Variants in SPTBN5 observed in about 807,000 individuals in gnomAD.
SPTBN5 encodes spectrin beta, non-erythrocytic 5, also known as spectrin beta chain, non-erythrocytic 5.
SPTBN5 carries 513 observed loss-of-function variants against 477.6 expected under a neutral mutation model. That is an observed-to-expected ratio of 1.07 (90% CI 1.00 to 1.16). The LOEUF (loss-of-function observed/expected upper bound fraction) is 1.16. Ranked by LOEUF, SPTBN5 falls within the 50% of genes most tolerant of loss-of-function variation. The pLI is 0.00. For missense variants in SPTBN5, 5,062 were observed against 4,731.8 expected (o/e 1.07, Z -2.05); for synonymous variants, 2,169 against 2,011.7 (o/e 1.08, Z -2.09).
rs780852424 is a variant in SPTBN5, at chr15:41,856,475, C to A, written c.8932G>T (p.Glu2978Ter). ...HEVAARVQQL[E>*]KAMAHLRAEA... ...GCCCGCAGGTGGGCCATGGCCTTCTCCAGCTGCTGCACCCGGGCGGCCACC... is the reference window on the plus strand; with the variant it reads ...GCCCGCAGGTGGGCCATGGCCTTCTACAGCTGCTGCACCCGGGCGGCCACC... The change falls in exon 53 of 68, where the codon GAG (glutamate) becomes TAG (stop). Residue 2978 changes from glutamate to a stop codon, truncating the protein, a stop_gained. Transcript: ENST00000320955. LOFTEE classifies it high-confidence loss of function. The A allele has an allele frequency of 1.3e-6, 2 of 1,597,154 alleles. No individual in the cohort carries two copies. Among genetic ancestry groups the A allele is most frequent in the African/African-American group, 1.3e-5 (1 of 74,618 alleles).
chr15:41,860,581 A>G lies in SPTBN5; in HGVS notation c.7988+5T>C. The G allele has an allele frequency of 7.0e-7, 1 of 1,420,404 alleles. No homozygotes were observed. Among genetic ancestry groups the G allele is most frequent in the African/African-American group, 1.5e-5 (1 of 68,186 alleles). 88.0% of individuals were successfully genotyped at this position (1,420,404 alleles called of 1,614,324 possible). On this transcript the variant is annotated splice_donor_5th_base_variant and intron_variant, in intron 47 of 67. Transcript: ENST00000320955. ...CAGCACCCCTCACCCCAGAGCCACCACTACCTCAGAAGCATGGCCTGGCAC... is the reference window on the plus strand; with the variant it reads ...CAGCACCCCTCACCCCAGAGCCACCGCTACCTCAGAAGCATGGCCTGGCAC...
chr15:41,881,860 C>A, intron 12 of SPTBN5, 76 bp downstream of exon 12: 1 of 1,371,154 alleles, frequency 7.3e-7, no homozygotes, highest in South Asian at 1.4e-5. Flanking sequence ...AAAGGCCCTC[C>A]CATTTTTGTC....
chr15:41,848,913 C>T (rs1030212014), intron 67 of SPTBN5, among the ~76,000 whole-genome samples: 1 of 152,180 alleles, frequency 6.6e-6, no homozygotes, highest in East Asian at 1.9e-4. Flanking sequence ...GTCCTGGTAG[C>T]CTCAGGAGCC....
In SPTBN5 at chr15:41,872,417, C is replaced by A. The variant is rs751154412; in HGVS notation, c.5050G>T (p.Glu1684Ter). The A allele has an allele frequency of 1.9e-6, 3 of 1,589,174 alleles. No individual in the cohort carries two copies. Among genetic ancestry groups the A allele is most frequent in the Non-Finnish European group, 2.6e-6 (3 of 1,168,538 alleles). ...ELAIYWSSMEELDQTAQTLTG... is the reference protein window; with the variant it reads ...ELAIYWSSME The stretch of plus-strand genomic sequence containing the variant: ...AGGGTTTGGGCCGTCTGGTCAAGCT[C>A]CTCCATGGAGCTCCAGTAAATGGCT... Residue 1684 changes from glutamate to a stop codon, truncating the protein, a stop_gained, in exon 27 of 68, where the codon GAG becomes TAG. Transcript: ENST00000320955. LOFTEE classifies it high-confidence loss of function.
In SPTBN5 at chr15:41,853,507, C is replaced by T; in HGVS notation, c.9981-60G>A. 7.8e-6 allele frequency: 12 copies of T among 1,534,930 alleles called. No individual in the cohort carries two copies. The South Asian group carries it at 1.4e-4, about 17-fold the overall frequency. Reference sequence around the variant, plus strand: ...GGCTGGGGAGCAGGGGAGGGAGGGTCCAGCTCCCCCAAGAGCCAGGATACC... The same window carrying T: ...GGCTGGGGAGCAGGGGAGGGAGGGTTCAGCTCCCCCAAGAGCCAGGATACC... On this transcript the variant is annotated intron_variant, in intron 58 of 67. Transcript: ENST00000320955.
At position 41,853,494 on chromosome 15, in the gene SPTBN5, G is replaced by A. The variant is rs74874936; in HGVS notation, c.9981-47C>T. 8,297 of 1,539,634 alleles carry A rather than the reference G, an allele frequency of 5.4e-3. 396 individuals carry two copies. The African/African-American group carries it at 0.1, about 19-fold the overall frequency. Reference sequence around the variant, plus strand: ...TGTTGTCAGGGCTGGCTGGGGAGCAGGGGAGGGAGGGTCCAGCTCCCCCAA... The same window carrying A: ...TGTTGTCAGGGCTGGCTGGGGAGCAAGGGAGGGAGGGTCCAGCTCCCCCAA... On this transcript the variant is annotated intron_variant, in intron 58 of 67. Transcript: ENST00000320955.
chr15:41,854,823 C>T lies in SPTBN5; in HGVS notation c.9577G>A (p.Ala3193Thr). ...IQAQRSRIEA[A>T]WERLDQAIKA... Reference sequence around the variant, plus strand: ...ATTGCTTGGTCCAACCTCTCCCAAGCAGCCTCAATGCGGCTCCTCTGGGCT... The same window carrying T: ...ATTGCTTGGTCCAACCTCTCCCAAGTAGCCTCAATGCGGCTCCTCTGGGCT... Residue 3193 changes from alanine to threonine, a missense_variant, in exon 56 of 68, where the codon GCT (alanine) becomes ACT (threonine). Physicochemically the swap from Ala to Thr is moderately conservative, Grantham distance 58 (BLOSUM62 0). Coordinates refer to ENST00000320955, the MANE Select transcript of SPTBN5 (RefSeq NM_016642.4). 1.3e-6 allele frequency: 2 copies of T among 1,585,156 alleles called. No individual in the cohort carries two copies. Among genetic ancestry groups the T allele is most frequent in the Non-Finnish European group, 8.6e-7 (1 of 1,167,158 alleles).
chr15:41,867,618 C>A lies in SPTBN5; in HGVS notation c.6232G>T (p.Gly2078Trp), dbSNP rs377506541. 2 of 1,613,786 alleles carry A rather than the reference C, an allele frequency of 1.2e-6. No homozygotes were observed. Among genetic ancestry groups the A allele is most frequent in the Non-Finnish European group, 1.7e-6 (2 of 1,179,896 alleles). The stretch of plus-strand genomic sequence containing the variant: ...TGCTCTACCTCTTCCACCGAGCTCC[C>A]CAAGGCACTGGTTTTCAGGGAGACC... ...QEVSLKTSAL[G>W]SSVEEVEQLI... Residue 2078 changes from glycine (G) to tryptophan (W), a missense_variant, in exon 35 of 68, where the codon GGG becomes TGG. Coordinates refer to ENST00000320955, the MANE Select transcript of SPTBN5 (RefSeq NM_016642.4).
intron 39 of SPTBN5, 133 bp from the exon 40 acceptor site, chr15:41,864,157 G>A: frequency 1.4e-6 from 1 of 718,334 alleles, no homozygotes; most frequent in Non-Finnish European, 2.3e-6. Flanking sequence ...GGGAAGAACT[G>A]CCTCCTGCCT....
chr15:41,872,356 A>T lies in SPTBN5; in HGVS notation c.5111T>A (p.Val1704Glu). The T allele has an allele frequency of 6.2e-7, 1 of 1,611,436 alleles. No homozygotes were observed. The highest frequency in any genetic ancestry group is 8.5e-7 in the Non-Finnish European group (1 of 1,179,614). Residue 1704 changes from valine (V) to glutamate (E), a missense_variant, in exon 27 of 68, where the codon GTG (valine) becomes GAG (glutamate). By Grantham distance (121) the Val-to-Glu change is moderately radical. Transcript: ENST00000320955. The stretch of plus-strand genomic sequence containing the variant: ...CAGCTGCTCCCGGAGCCTCTCCTGC[A>T]CCACACGCTGCTGCTCAGGGACTTC... ...GPEVPEQQRV[V>E]QERLREQLRA...
chr15:41,871,423 C>T lies in SPTBN5; in HGVS notation c.5399G>A (p.Arg1800His), dbSNP rs1006420452. 27 of 1,542,114 alleles carry T rather than the reference C, an allele frequency of 1.8e-5. No homozygotes were observed. Among genetic ancestry groups the T allele is most frequent in the African/African-American group, 2.8e-5 (2 of 72,622 alleles). ...CRLLAESLLE[R>H]GHSAGPMVRQ... ...GACCATGGGGCCAGCACTGTGCCCA[C>T]GCTCTAGCAGGCTCTCCGCCAGCAG... Residue 1800 changes from arginine (R) to histidine (H), a missense_variant, in exon 29 of 68, where the codon CGT (arginine) becomes CAT (histidine). Transcript: ENST00000320955.
Position 41,870,293 on chromosome 15 carries a change from G to A in SPTBN5, c.5623C>T (p.Leu1875=), listed in dbSNP as rs749715588. The A allele has an allele frequency of 6.4e-7, 1 of 1,556,614 alleles. No homozygotes were observed. The highest frequency in any genetic ancestry group is 2.4e-5 in the East Asian group (1 of 41,458). The change falls in exon 31 of 68, where the codon CTG becomes TTG. Residue 1875 remains leucine, a synonymous_variant. Coordinates refer to ENST00000320955, the MANE Select transcript of SPTBN5 (RefSeq NM_016642.4). ...ARDLCGLEAQ[L]RSHQGLEREL... is the part of the protein sequence containing the mutation. ...CGCTCCAGCCCCTGGTGGCTTCTCAGCTGCGCCTCCAGCCCACACAGGTCC... is the reference window on the plus strand; with the variant it reads ...CGCTCCAGCCCCTGGTGGCTTCTCAACTGCGCCTCCAGCCCACACAGGTCC...
chr15:41,861,973 G>A, intron 44 of SPTBN5, 50 bp from the exon 45 acceptor site: 1 of 1,564,646 alleles, frequency 6.4e-7, no homozygotes, highest in Non-Finnish European at 8.6e-7. Flanking sequence ...CAGCCCAGCA[G>A]GCAGGAGAGA....
chr15:41,875,998 G>A, intron 21 of SPTBN5, 116 bp downstream of exon 21: 2 of 1,324,936 alleles, frequency 1.5e-6, no homozygotes, highest in Non-Finnish European at 2.0e-6. Flanking sequence ...GGAGGTTCTA[G>A]GTTCACGCTG....
At position 41,851,119 on chromosome 15, in the gene SPTBN5, G is replaced by C; in HGVS notation, c.10775C>G (p.Thr3592Arg). Residue 3592 changes from threonine (T) to arginine (R), a missense_variant, in exon 65 of 68, where the codon ACG becomes AGG. Physicochemically the swap from Thr to Arg is moderately conservative, Grantham distance 71. Coordinates refer to ENST00000320955, the MANE Select transcript of SPTBN5 (RefSeq NM_016642.4). Reference protein sequence around the residue: ...KVASIALLDLTGARCERLRGR... With the variant: ...KVASIALLDLRGARCERLRGR... ...CCGCAGCCTCTCACACCGGGCTCCC[G>C]TGAGGTCAAGGAGGGCTATGGAAGC... The C allele has an allele frequency of 1.9e-6, 3 of 1,613,256 alleles. No homozygotes were observed. Among genetic ancestry groups the C allele is most frequent in the Non-Finnish European group, 2.5e-6 (3 of 1,179,812 alleles).
At chr15:41,853,144 C>T in intron 59 of SPTBN5, 114 bp downstream of exon 59, 1 of 1,476,450 alleles carries the variant, frequency 6.8e-7, no homozygotes, top group South Asian at 1.4e-5. Flanking sequence ...TCTCTCCCTG[C>T]CTGCGCCCAG....
chr15:41,848,533 T>G lies in SPTBN5; in HGVS notation c.*83A>C. Reference sequence around the variant, plus strand: ...AAGCAGCCACGGGAAGGAGCCCTTTTGCCTGTAGCTGAGTCTTATTCTGGT... The same window carrying G: ...AAGCAGCCACGGGAAGGAGCCCTTTGGCCTGTAGCTGAGTCTTATTCTGGT... On this transcript the variant is annotated 3_prime_UTR_variant, in exon 68 of 68. Coordinates refer to ENST00000320955, the MANE Select transcript of SPTBN5 (RefSeq NM_016642.4). The G allele has an allele frequency of 6.5e-7, 1 of 1,547,112 alleles. No homozygotes were observed. The highest frequency in any genetic ancestry group is 1.1e-5 in the South Asian group (1 of 89,776).
At chr15:41,850,692 T>G in intron 66 of SPTBN5, 162 bp downstream of exon 66, 1 of 672,802 alleles carries the variant, frequency 1.5e-6, no homozygotes, top group Non-Finnish European at 2.5e-6. Flanking sequence ...GCGTAACCTC[T>G]CCAGGACCTA....
intron 52 of SPTBN5, 27 bp from the exon 53 acceptor site, chr15:41,856,625 G>A (rs199559238): frequency 5.7e-5 from 88 of 1,541,536 alleles, no homozygotes; most frequent in East Asian, 5.0e-4. Context: ...AGGAGGATGC[G>A]GATGTTGCTG....
Sources: allele counts gnomAD v4.1 joint callset (sites outside exome capture counted in the v4.1 genomes callset), GRCh38; gene constraint gnomAD v4.1.1; transcripts MANE v1.5; gene names NCBI Gene and HGNC (gene_info 2026-07-23, HGNC 2026-07-21).